Variants in TTLL9 observed in about 807,000 individuals in gnomAD.
TTLL9 encodes the protein tubulin tyrosine ligase like 9.
In TTLL9, 47 loss-of-function variants were observed where a neutral mutation model predicts 65.6. The observed-to-expected ratio is 0.72, with a 90% CI of 0.57 to 0.91. The LOEUF is 0.91. Among genes scored for constraint, TTLL9 ranks in the 40% least tolerant of loss-of-function variants. TTLL9 has a pLI of 0.00. For missense variants in TTLL9, 537 were observed against 568.8 expected (o/e 0.94, Z 0.57); for synonymous variants, 179 against 204.8 (o/e 0.87, Z 1.07).
Position 31,870,981 on chromosome 20 carries a change from C to G in TTLL9, c.-6+32C>G. The G allele has an allele frequency of 1.3e-6, 1 of 778,970 alleles. No homozygotes were observed. Among genetic ancestry groups the G allele is most frequent in the Non-Finnish European group, 2.3e-6 (1 of 436,798 alleles). The allele number at this position is 778,970 out of a possible 1,614,324, so 48.3% of individuals were successfully genotyped here. Reference sequence around the variant, plus strand: ...AATTCCTTCCGATACATCCTCTCCACCCGTGCAGAGACACCCTACCAACCA... The same window carrying G: ...AATTCCTTCCGATACATCCTCTCCAGCCGTGCAGAGACACCCTACCAACCA... On this transcript the variant is annotated intron_variant, in intron 1 of 14. Coordinates refer to ENST00000535842, the MANE Select transcript of TTLL9 (RefSeq NM_001008409.5). This position sits in a 1 kb window ranked among gnomAD's most constrained non-coding sequence, Gnocchi z 6.6.
At chr20:31,900,244 C>T (rs570366785) in intron 4 of TTLL9, among the ~76,000 whole-genome samples, 1 of 152,172 alleles carries the variant, frequency 6.6e-6, no homozygotes, top group East Asian at 1.9e-4. Flanking sequence ...TCTAACATTT[C>T]GCATGCATGA....
chr20:31,872,199 C>T (rs2062945033), intron 2 of TTLL9, among the ~76,000 whole-genome samples: 1 of 152,122 alleles, frequency 6.6e-6, no homozygotes, highest in Non-Finnish European at 1.5e-5. Context: ...GGGAGAACCT[C>T]TCTGAATAAG....
rs138638873 is a variant in TTLL9, at chr20:31,917,124, A to G, written c.505-2740A>G. ...AAATATAGAAAAGTAGCCAAATTATAGGGGCACAGTATGAATTTTCACAAA... is the reference window on the plus strand; with the variant it reads ...AAATATAGAAAAGTAGCCAAATTATGGGGGCACAGTATGAATTTTCACAAA... On this transcript the variant is annotated intron_variant, in intron 6 of 14. Coordinates refer to ENST00000535842, the MANE Select transcript of TTLL9 (RefSeq NM_001008409.5). Among the ~76,000 whole-genome samples the G allele has an allele frequency of 3.6e-3, 555 of 152,334 alleles. 5 individuals carry two copies. Among genetic ancestry groups the G allele is most frequent in the African/African-American group, 0.013 (530 of 41,564 alleles).
intron 10 of TTLL9, among the ~76,000 whole-genome samples, chr20:31,933,212 C>T (rs762089963): frequency 1.1e-4 from 16 of 152,194 alleles, no homozygotes; most frequent in East Asian, 3.9e-4. Flanking sequence ...CTGGTGGTGA[C>T]GATGGTGATG....
At chr20:31,877,387 C>G (rs910762119) in intron 2 of TTLL9, among the ~76,000 whole-genome samples, 2 of 152,198 alleles carry the variant, frequency 1.3e-5, no homozygotes, top group Admixed American at 1.3e-4. Context: ...CCTGCCTTGG[C>G]CTCCCGAAGT....
rs1568753073 is a variant in TTLL9, at chr20:31,890,100, C to CCTTCCTT, written c.113+2862_113+2863insTTCCTTC. Among the ~76,000 whole-genome samples the CCTTCCTT allele has an allele frequency of 5.2e-3, 262 of 50,030 alleles. 19 individuals carry two copies. The highest frequency in any genetic ancestry group is 0.014 in the African/African-American group (149 of 10,956). 32.8% of individuals were successfully genotyped at this position (50,030 alleles called of 152,430 possible). A position where few individuals can be genotyped will look rare whatever the true frequency, so the allele number is the denominator to read the frequency against. On this transcript the variant is annotated intron_variant, in intron 3 of 14. Transcript: ENST00000535842. ...TCTTGCTTTCTTGCTTTCTTTCCCT[C>CCTTCCTT]CCTTCCTTCCTTCCTTCCTTCCTTC...
chr20:31,934,501 CCT>C lies in TTLL9; in HGVS notation c.808-188_808-187del, dbSNP rs1369628605. 5 of 679,406 alleles carry C rather than the reference CCT, an allele frequency of 7.4e-6. No individual in the cohort carries two copies. The African/African-American group carries it at 8.9e-5, about 12-fold the overall frequency. 42.1% of individuals were successfully genotyped at this position (679,406 alleles called of 1,614,324 possible). A position where few individuals can be genotyped will look rare whatever the true frequency, so the allele number is the denominator to read the frequency against. ...ACTTCTGGGGTCCTGCATAGCCAGT[CCT>C]CTTAGACATGAAGAATTTTTGCCCC... On this transcript the variant is annotated intron_variant, in intron 11 of 14. Coordinates refer to ENST00000535842, the MANE Select transcript of TTLL9 (RefSeq NM_001008409.5).
intron 10 of TTLL9, among the ~76,000 whole-genome samples, chr20:31,931,349 G>T (rs2064006417): frequency 6.6e-6 from 1 of 151,980 alleles, no homozygotes; most frequent in African/African-American, 2.4e-5. Flanking sequence ...AAAGTGCTGG[G>T]ATTACAGCCT....
At chr20:31,896,131 C>T (rs935257278) in intron 3 of TTLL9, among the ~76,000 whole-genome samples, 4 of 152,090 alleles carry the variant, frequency 2.6e-5, no homozygotes, top group Non-Finnish European at 1.5e-5. Flanking sequence ...TGAGCCACTG[C>T]GCCCGGCCTG....
At chr20:31,930,323 A>G (rs1054138546) in intron 10 of TTLL9, among the ~76,000 whole-genome samples, 6 of 152,162 alleles carry the variant, frequency 3.9e-5, no homozygotes, top group African/African-American at 1.4e-4. Context: ...TTTCAAAATG[A>G]AAAGATTTTT....
rs765475081 is a variant in TTLL9, at chr20:31,937,383, C to T, written c.1005-13C>T. 5.0e-6 allele frequency: 8 copies of T among 1,608,972 alleles called. No homozygotes were observed. The highest frequency in any genetic ancestry group is 1.1e-5 in the South Asian group (1 of 90,940). ...GAGTAACCCTAAGACTCTCTACTCCCCTCCCTTCCCAGGTGGCTCCTGGAG... is the reference window on the plus strand; with the variant it reads ...GAGTAACCCTAAGACTCTCTACTCCTCTCCCTTCCCAGGTGGCTCCTGGAG... On this transcript the variant is annotated splice_polypyrimidine_tract_variant and intron_variant, in intron 12 of 14. Transcript: ENST00000535842.
intron 2 of TTLL9, among the ~76,000 whole-genome samples, chr20:31,873,805 G>GAAAGAAAGAAA (rs1188051085): frequency 1.4e-5 from 1 of 69,794 alleles, no homozygotes; most frequent in Admixed American, 1.6e-4. Context: ...AGGAAGGAAG[G>GAAAGAAAGAAA]AAGGAAGGAA....
chr20:31,933,942 A>G (rs1050908076), intron 11 of TTLL9, 84 bp downstream of exon 11: 1 of 1,407,058 alleles, frequency 7.1e-7, no homozygotes, highest in African/African-American at 1.4e-5. Context: ...CAAGGAGCCC[A>G]GGACAGGCCT....
chr20:31,931,078 CTTTTTTT>C (rs60315473), intron 10 of TTLL9, among the ~76,000 whole-genome samples: 3 of 125,238 alleles, frequency 2.4e-5, no homozygotes, highest in Non-Finnish European at 4.9e-5. Context: ...TCCTCTTTTC[CTTTTTTT>C]TTTTTTTTTT....
intron 4 of TTLL9, among the ~76,000 whole-genome samples, chr20:31,900,156 G>T (rs1246655803): frequency 6.6e-6 from 1 of 152,206 alleles, no homozygotes; most frequent in Non-Finnish European, 1.5e-5. Flanking sequence ...GGGGAAAAGG[G>T]ATAGGAGGGG....
At chr20:31,892,182 C>G (rs1290304596) in intron 3 of TTLL9, among the ~76,000 whole-genome samples, 2 of 125,398 alleles carry the variant, frequency 1.6e-5, no homozygotes, top group Admixed American at 1.6e-4. Flanking sequence ...CATAAACTTT[C>G]TTTTTTTTTT....
chr20:31,930,252 G>C (rs2063985828), intron 10 of TTLL9, among the ~76,000 whole-genome samples: 1 of 152,150 alleles, frequency 6.6e-6, no homozygotes, highest in Non-Finnish European at 1.5e-5. Context: ...GGCATGTCTA[G>C]GTGAAGCAGA....
At chr20:31,933,156 A>C (rs894465201) in intron 10 of TTLL9, among the ~76,000 whole-genome samples, 1 of 152,188 alleles carries the variant, frequency 6.6e-6, no homozygotes, top group African/African-American at 2.4e-5. Flanking sequence ...AAATGAGATA[A>C]TGTGTGTAAA....
intron 2 of TTLL9, among the ~76,000 whole-genome samples, chr20:31,873,674 A>G (rs567990420): frequency 2.1e-3 from 242 of 116,440 alleles, no homozygotes; most frequent in African/African-American, 8.6e-3. Context: ...GAAAGAAAGA[A>G]AGAGAGAGAG....
Sources: gnomAD v4.1 joint callset for allele counts (sites outside exome capture counted in the v4.1 genomes callset) on GRCh38, gnomAD v4.1.1 for gene constraint, Gnocchi (gnomAD v3.1) non-coding constraint, MANE v1.5 for transcripts, NCBI Gene and HGNC (gene_info 2026-07-23, HGNC 2026-07-21) for gene names.